Variants in HERC6 observed in about 807,000 individuals in gnomAD.
HERC6 encodes probable E3 ubiquitin-protein ligase HERC6.
Under a neutral mutation model 114.5 loss-of-function variants are expected in HERC6, and 101 were observed. The ratio of observed to expected loss-of-function variants is 0.88; its 90% CI spans 0.75 to 1.04. The LOEUF is 1.04. HERC6 is among the 50% of genes least tolerant of loss of function. HERC6 has a pLI of 0.00. For synonymous variants in HERC6, 408 were observed against 436.2 expected, an observed-to-expected ratio of 0.94 and a Z score of 0.81; for missense variants, 1,133 against 1,230.9, an observed-to-expected ratio of 0.92 and a Z score of 1.19.
chr4:88,390,761 AC>A lies in HERC6; in HGVS notation c.547del (p.Leu183TrpfsTer51). ...GGGTGAGGTCCCTGGAGGGGATCCC[AC>A]TGGCTCAGGTGGCTGCCGGAGGGGC... The part of the protein sequence containing the change: ...QRVRSLEGIP[L>X]AQVAAGGAHS... On this transcript the variant is annotated frameshift_variant, in exon 4 of 23. Transcript: ENST00000264346. LOFTEE classifies it high-confidence loss of function. 6.2e-7 allele frequency: 1 copy of A among 1,614,084 alleles called. No individual in the cohort carries two copies. Among genetic ancestry groups the A allele is most frequent in the Non-Finnish European group, 8.5e-7 (1 of 1,179,998 alleles).
Position 88,378,870 on chromosome 4 carries a change from G to C in HERC6, c.-52G>C. On this transcript the variant is annotated 5_prime_UTR_variant, in exon 1 of 23. Coordinates refer to ENST00000264346, the MANE Select transcript of HERC6 (RefSeq NM_017912.4). ...CCCAGTCACCAGCGTTCGGGAGCCT[G>C]TCGCAGCGGGACCGACGGAATCCGG... 2 of 1,489,604 alleles carry C rather than the reference G, an allele frequency of 1.3e-6. No individual in the cohort carries two copies. The highest frequency in any genetic ancestry group is 2.2e-5 in the Admixed American group (1 of 45,000). 92.3% of individuals were successfully genotyped at this position (1,489,604 alleles called of 1,614,324 possible).
chr4:88,381,513 C>T (rs1009672062), intron 1 of HERC6, among the ~76,000 whole-genome samples: 48 of 150,442 alleles, frequency 3.2e-4, no homozygotes, highest in Non-Finnish European at 3.7e-4. Flanking sequence ...TATGCAGGCT[C>T]ACCTCAGTGC....
chr4:88,416,455 A>C (rs1211368165), intron 12 of HERC6, among the ~76,000 whole-genome samples: 1 of 151,942 alleles, frequency 6.6e-6, no homozygotes, highest in Non-Finnish European at 1.5e-5. Context: ...ATTTTTTTTT[A>C]CTTTGTGGTA....
chr4:88,394,613 C>T (rs1039726193), intron 5 of HERC6, among the ~76,000 whole-genome samples: 12 of 150,990 alleles, frequency 7.9e-5, no homozygotes, highest in Non-Finnish European at 1.3e-4. Context: ...GGTGCAATCT[C>T]GGCTCACTGC....
chr4:88,427,991 AG>A (rs1292812106), intron 15 of HERC6, among the ~76,000 whole-genome samples: 1 of 152,254 alleles, frequency 6.6e-6, no homozygotes, highest in Non-Finnish European at 1.5e-5. Flanking sequence ...TGATCAGAAA[AG>A]CTAAAAGAAG....
chr4:88,388,051 A>G (rs565100225), intron 3 of HERC6, among the ~76,000 whole-genome samples: 2 of 152,372 alleles, frequency 1.3e-5, no homozygotes, highest in South Asian at 4.1e-4. Context: ...TTAAAAAATA[A>G]AAGATGTAAT....
At chr4:88,439,017 C>G (rs1739045882) in intron 20 of HERC6, among the ~76,000 whole-genome samples, 1 of 152,134 alleles carries the variant, frequency 6.6e-6, no homozygotes, top group Non-Finnish European at 1.5e-5. Context: ...TAAGACAGAC[C>G]TTGCAGGAAT....
In HERC6 at chr4:88,442,493, A is replaced by C; in HGVS notation, c.*33A>C. On this transcript the variant is annotated 3_prime_UTR_variant, in exon 23 of 23. Transcript: ENST00000264346. ...TGAGAGACTCAGGGTGGGCTTTCTC[A>C]CACTTGGATCCTTCTGTTCTTCCTT... 10 of 1,475,626 alleles carry C rather than the reference A, an allele frequency of 6.8e-6. No individual in the cohort carries two copies. Among genetic ancestry groups the C allele is most frequent in the Non-Finnish European group, 9.4e-6 (10 of 1,058,676 alleles). 91.4% of individuals were successfully genotyped at this position (1,475,626 alleles called of 1,614,324 possible).
intron 17 of HERC6, 28 bp downstream of exon 17, chr4:88,431,333 C>G: frequency 6.4e-7 from 1 of 1,574,550 alleles, no homozygotes; most frequent in South Asian, 1.2e-5. Context: ...TTTTTTTCCC[C>G]CAGAACAGAA....
At chr4:88,409,651 C>G (rs924700047) in intron 11 of HERC6, among the ~76,000 whole-genome samples, 1 of 152,180 alleles carries the variant, frequency 6.6e-6, no homozygotes, top group Non-Finnish European at 1.5e-5. Flanking sequence ...TGAAAAGCCA[C>G]TTCTGTATTC....
At chr4:88,379,963 A>T (rs1427022991) in intron 1 of HERC6, among the ~76,000 whole-genome samples, 1 of 142 alleles carries the variant, frequency 7.0e-3, no homozygotes, top group Non-Finnish European at 9.4e-3. Context: ...AAATATATAT[A>T]ATATATAAAT....
chr4:88,440,130 C>T lies in HERC6; in HGVS notation c.2740-18C>T. 1 of 1,601,258 alleles carries T rather than the reference C, an allele frequency of 6.2e-7. No homozygotes were observed. On this transcript the variant is annotated intron_variant, in intron 21 of 22. Coordinates refer to ENST00000264346, the MANE Select transcript of HERC6 (RefSeq NM_017912.4). ...ATTCCACCCCACTCAAATCATTTTT[C>T]TCCCTCTTTCTCTCAAGAATTCAAA...
At chr4:88,414,350 CCTGTGG>C (rs1736305841) in intron 12 of HERC6, among the ~76,000 whole-genome samples, 2 of 151,954 alleles carry the variant, frequency 1.3e-5, no homozygotes, top group African/African-American at 4.8e-5. Flanking sequence ...GTGGCACACA[CCTGTGG>C]TCCCAGCTAC....
At chr4:88,426,136 AT>A (rs1737585364) in intron 15 of HERC6, among the ~76,000 whole-genome samples, 1 of 152,164 alleles carries the variant, frequency 6.6e-6, no homozygotes, top group Admixed American at 6.5e-5. Context: ...TGCTAGTAGC[AT>A]TCCACAGGTA....
At chr4:88,435,553 T>G (rs191130983) in intron 17 of HERC6, among the ~76,000 whole-genome samples, 172 bp from the exon 18 acceptor site, 1 of 152,302 alleles carries the variant, frequency 6.6e-6, no homozygotes, top group Admixed American at 6.6e-5. Flanking sequence ...GGAAGAAATT[T>G]AATGTATTAT....
chr4:88,439,903 A>G lies in HERC6; in HGVS notation c.2585A>G (p.Tyr862Cys), dbSNP rs200241111. Residue 862 changes from tyrosine to cysteine, a missense_variant, in exon 21 of 23, where the codon TAC becomes TGC. Physicochemically the swap from Tyr to Cys is radical, Grantham distance 194. This residue lies in a region of HERC6 where 388 missense variants were observed against 445.9 expected (regional missense o/e 0.87). Coordinates refer to ENST00000264346, the MANE Select transcript of HERC6 (RefSeq NM_017912.4). ...GACTATGTTTCTAAGTATATTGATT[A>G]CATTTTCAACGTCTCTGTAAAAGCA... Reference protein sequence around the residue: ...KRDYVSKYIDYIFNVSVKAVY... With the variant: ...KRDYVSKYIDCIFNVSVKAVY... 205 of 1,533,668 alleles carry G rather than the reference A, an allele frequency of 1.3e-4. 3 individuals carry two copies. Among genetic ancestry groups the G allele is most frequent in the South Asian group, 4.7e-4 (38 of 81,658 alleles).
intron 5 of HERC6, among the ~76,000 whole-genome samples, chr4:88,394,053 T>C (rs1171021028): frequency 6.6e-6 from 1 of 152,142 alleles, no homozygotes; most frequent in African/African-American, 2.4e-5. Flanking sequence ...TATACCAATA[T>C]CTAGACAGAG....
chr4:88,431,241 C>T lies in HERC6; in HGVS notation c.2186C>T (p.Thr729Ile). The change falls in exon 17 of 23, where the codon ACC becomes ATC. Residue 729 changes from threonine (T) to isoleucine (I), a missense_variant. By Grantham distance (89) the Thr-to-Ile change is moderately conservative. Coordinates refer to ENST00000264346, the MANE Select transcript of HERC6 (RefSeq NM_017912.4). ...EFFHCMFEEM[T>I]KPEYGMFMYP... is the part of the protein sequence containing the mutation. Reference sequence around the variant, plus strand: ...TTCCACTGTATGTTTGAAGAGATGACCAAGCCAGAATATGGAATGTTCATG... The same window carrying T: ...TTCCACTGTATGTTTGAAGAGATGATCAAGCCAGAATATGGAATGTTCATG... 2.5e-6 allele frequency: 4 copies of T among 1,613,434 alleles called. No individual in the cohort carries two copies. The highest frequency in any genetic ancestry group is 3.4e-6 in the Non-Finnish European group (4 of 1,179,678).
chr4:88,440,154 A>C lies in HERC6; in HGVS notation c.2746A>C (p.Lys916Gln), dbSNP rs897942406. Residue 916 changes from lysine to glutamine, a missense_variant, in exon 22 of 23, where the codon AAG (lysine) becomes CAG (glutamine). Coordinates refer to ENST00000264346, the MANE Select transcript of HERC6 (RefSeq NM_017912.4). ...YDWKQFEQNS[K>Q]YEQGYQKSHP... is the part of the protein sequence containing the mutation. Reference sequence around the variant, plus strand: ...TCTCCCTCTTTCTCTCAAGAATTCAAAGTATGAGCAAGGATACCAAAAATC... The same window carrying C: ...TCTCCCTCTTTCTCTCAAGAATTCACAGTATGAGCAAGGATACCAAAAATC... 3 of 1,607,770 alleles carry C rather than the reference A, an allele frequency of 1.9e-6. 1 individual carries two copies. The highest frequency in any genetic ancestry group is 3.4e-5 in the Admixed American group (2 of 59,310).
Sources: gnomAD v4.1 joint callset for allele counts (sites outside exome capture counted in the v4.1 genomes callset) on GRCh38, gnomAD v4.1.1 for gene constraint, gnomAD v4.1.1 regional missense constraint, MANE v1.5 for transcripts, NCBI Gene and HGNC (gene_info 2026-07-23, HGNC 2026-07-21) for gene names.